Variants in SARDH observed in about 807,000 individuals in gnomAD.
The protein encoded by SARDH is sarcosine dehydrogenase, mitochondrial.
Under a neutral mutation model 109.1 loss-of-function variants are expected in SARDH, and 95 were observed. That is an observed-to-expected ratio of 0.87 (90% CI 0.74 to 1.03). The LOEUF (loss-of-function observed/expected upper bound fraction) is 1.03, where lower values mean the gene tolerates loss of function less well. Among genes scored for constraint, SARDH ranks in the 50% least tolerant of loss-of-function variants. SARDH has a pLI of 0.00. For synonymous variants in SARDH, 572 were observed against 534.8 expected (o/e 1.07, Z -0.96); for missense variants, 1,267 against 1,287.8 (o/e 0.98, Z 0.25).
At chr9:133,729,484 C>T (rs557760207) in intron 6 of SARDH, among the ~76,000 whole-genome samples, 42 of 152,324 alleles carry the variant, frequency 2.8e-4, no homozygotes, top group Non-Finnish European at 3.7e-4. Context: ...GCCTGCACCA[C>T]GCAGGACAGG....
At position 133,670,672 on chromosome 9, in the gene SARDH, A is replaced by G; in HGVS notation, c.2407T>C (p.Ser803Pro). The change falls in exon 19 of 21, where the codon TCG becomes CCG. Residue 803 changes from serine (S) to proline (P), a missense_variant. Transcript: ENST00000439388. ...AGLAFTCKLK[S>P]PVPFLGREAL... Reference sequence around the variant, plus strand: ...TCCCTCCCCAGGAAGGGCACCGGCGACTTGAGCTTGCAGGTGAAGGCCAGG... The same window carrying G: ...TCCCTCCCCAGGAAGGGCACCGGCGGCTTGAGCTTGCAGGTGAAGGCCAGG... 1 of 1,606,000 alleles carries G rather than the reference A, an allele frequency of 6.2e-7. No individual in the cohort carries two copies. Among genetic ancestry groups the G allele is most frequent in the Non-Finnish European group, 8.5e-7 (1 of 1,177,162 alleles).
chr9:133,662,334 G>T (rs1021997338), downstream of SARDH, among the ~76,000 whole-genome samples: 3 of 152,128 alleles, frequency 2.0e-5, no homozygotes, highest in Admixed American at 6.5e-5. The surrounding 1 kb of genome is among the most constrained non-coding windows in gnomAD (Gnocchi z 5.1). Context: ...AGATGAATGT[G>T]GTCACCGGCC....
rs78456941 is a variant in SARDH, at chr9:133,710,980, T to C, written c.1328+1639A>G. On this transcript the variant is annotated intron_variant, in intron 10 of 20. Coordinates refer to ENST00000439388, the MANE Select transcript of SARDH (RefSeq NM_001134707.2). The stretch of plus-strand genomic sequence containing the variant: ...GTGGGTGCTCCTCCTCCTGCTGTAC[T>C]CCAGCTCTCAGGGGCTCCCCACCTG... Among the ~76,000 whole-genome samples the C allele has an allele frequency of 7.3e-3, 1,116 of 152,324 alleles. 15 individuals are homozygous for C. The highest frequency in any genetic ancestry group is 0.026 in the African/African-American group (1,070 of 41,584).
intron 19 of SARDH, among the ~76,000 whole-genome samples, chr9:133,669,929 C>A (rs997871057): frequency 2.6e-5 from 4 of 152,220 alleles, no homozygotes; most frequent in Non-Finnish European, 5.9e-5. Context: ...CTTGGCTGCA[C>A]CTTTCTCTTT....
intron 17 of SARDH, among the ~76,000 whole-genome samples, chr9:133,682,092 C>T (rs913356077): frequency 6.6e-6 from 1 of 152,150 alleles, no homozygotes; most frequent in Non-Finnish European, 1.5e-5. Context: ...CCTGGTGGGC[C>T]CAGCTCTACC....
In SARDH at chr9:133,728,259, C is replaced by G. The variant is rs559334617; in HGVS notation, c.915+1506G>C. Among the ~76,000 whole-genome samples the G allele has an allele frequency of 6.6e-6, 1 of 152,296 alleles. No homozygotes were observed. The highest frequency in any genetic ancestry group is 1.9e-4 in the East Asian group (1 of 5,190). Reference sequence around the variant, plus strand: ...CCCAGGTTCCGGCCCCATTTCGCCACCCGCTTCACTACCCTGGTCTACGAA... The same window carrying G: ...CCCAGGTTCCGGCCCCATTTCGCCAGCCGCTTCACTACCCTGGTCTACGAA... On this transcript the variant is annotated intron_variant, in intron 6 of 20. Transcript: ENST00000439388. The surrounding 1 kb of genome is among the most constrained non-coding windows in gnomAD (Gnocchi z 5.0).
At chr9:133,714,284 C>T (rs1348878198) in intron 8 of SARDH, among the ~76,000 whole-genome samples, 1 of 152,182 alleles carries the variant, frequency 6.6e-6, no homozygotes, top group Non-Finnish European at 1.5e-5. Flanking sequence ...GGAGCCTGGG[C>T]TAAGAGCCTG....
Position 133,713,135 on chromosome 9 carries a change from G to C in SARDH, c.1151-11C>G. On this transcript the variant is annotated splice_polypyrimidine_tract_variant and intron_variant, in intron 8 of 20. Transcript: ENST00000439388. Reference sequence around the variant, plus strand: ...CGGGCGTGAAGGATTCTGAAAGAAGGAGAGAGAGGCCTGGAGTCCCTTTTG... The same window carrying C: ...CGGGCGTGAAGGATTCTGAAAGAAGCAGAGAGAGGCCTGGAGTCCCTTTTG... 1 of 1,610,958 alleles carries C rather than the reference G, an allele frequency of 6.2e-7. No homozygotes were observed. Among genetic ancestry groups the C allele is most frequent in the South Asian group, 1.1e-5 (1 of 90,672 alleles).
chr9:133,670,727 C>T lies in SARDH; in HGVS notation c.2352G>A (p.Leu784=). The T allele has an allele frequency of 6.3e-7, 1 of 1,593,550 alleles. No homozygotes were observed. Among genetic ancestry groups the T allele is most frequent in the Non-Finnish European group, 8.5e-7 (1 of 1,170,944 alleles). ...EKGYRHWHAD[L]RPDDSPLEAG... ...CCTCCAGGGGGCTGTCGTCTGGCCG[C>T]AGGTCCGCGTGCCAGTGCCGGTAGC... Residue 784 remains leucine, a synonymous_variant, in exon 19 of 21, where the codon CTG becomes CTA. Transcript: ENST00000439388.
At chr9:133,684,738 A>G (rs1455749513) in intron 17 of SARDH, among the ~76,000 whole-genome samples, 1 of 152,158 alleles carries the variant, frequency 6.6e-6, no homozygotes, top group East Asian at 1.9e-4. Context: ...CTCCCACCCC[A>G]GCAGCCCCTC....
downstream of SARDH, among the ~76,000 whole-genome samples, chr9:133,663,173 G>A (rs1027689455): frequency 3.3e-5 from 5 of 152,222 alleles, no homozygotes; most frequent in African/African-American, 1.2e-4. Flanking sequence ...GGTGAGCGAG[G>A]GGCTCAAGGG....
rs142731671 is a variant in SARDH at position 133,713,636 on chromosome 9, G to A, written c.1151-512C>T. ...GCCAACAAAGGCTCCCAACTTCTGC[G>A]GGGGAGGAGACCAATGTCCCACTCC... On this transcript the variant is annotated intron_variant, in intron 8 of 20. Transcript: ENST00000439388. Among the ~76,000 whole-genome samples, 1,343 of 152,358 alleles carry A rather than the reference G, an allele frequency of 8.8e-3. 19 individuals carry two copies. Among genetic ancestry groups the A allele is most frequent in the African/African-American group, 0.03 (1,254 of 41,590 alleles).
intron 20 of SARDH, among the ~76,000 whole-genome samples, chr9:133,665,816 C>T (rs113718676): frequency 0.018 from 2,686 of 152,318 alleles, 89 homozygotes; most frequent in African/African-American, 0.061. Flanking sequence ...CCCAAGTGCT[C>T]GCTCCCTCCC....
intron 19 of SARDH, among the ~76,000 whole-genome samples, chr9:133,670,321 T>G (rs1370468421): frequency 8.9e-6 from 1 of 112,186 alleles, no homozygotes; most frequent in Non-Finnish European, 1.7e-5. Flanking sequence ...AGAGTGAGAC[T>G]CCGTCTCAAA....
chr9:133,729,274 G>C (rs936833673), intron 6 of SARDH, among the ~76,000 whole-genome samples: 6 of 152,030 alleles, frequency 3.9e-5, no homozygotes, highest in Admixed American at 2.6e-4. Context: ...GGAGAGAAGA[G>C]AGGGCAGGAG....
intron 17 of SARDH, among the ~76,000 whole-genome samples, chr9:133,681,565 C>T (rs1399595288): frequency 6.6e-6 from 1 of 152,226 alleles, no homozygotes; most frequent in African/African-American, 2.4e-5. Context: ...CCACATCTTC[C>T]ATCCTGGGAC....
chr9:133,676,155 T>C (rs1191684626), intron 17 of SARDH, among the ~76,000 whole-genome samples: 1 of 150,286 alleles, frequency 6.7e-6, no homozygotes, highest in Non-Finnish European at 1.5e-5. Context: ...TCTATCCACA[T>C]GAAGGAATGT....
rs1341458133 is a variant in SARDH, at chr9:133,728,664, C to G, written c.915+1101G>C. 6.6e-6 allele frequency among the ~76,000 whole-genome samples: 1 copy of G among 152,214 alleles called. No individual in the cohort carries two copies. The highest frequency in any genetic ancestry group is 1.9e-4 in the East Asian group (1 of 5,200). ...CACATGTACTTGTCTGTACCTCCCCCCAGCTCTACCCAGCAAGAACTAGGT... is the reference window on the plus strand; with the variant it reads ...CACATGTACTTGTCTGTACCTCCCCGCAGCTCTACCCAGCAAGAACTAGGT... On this transcript the variant is annotated intron_variant, in intron 6 of 20. Transcript: ENST00000439388. The surrounding 1 kb of genome is among the most constrained non-coding windows in gnomAD (Gnocchi z 5.0).
intron 13 of SARDH, among the ~76,000 whole-genome samples, chr9:133,700,507 C>T (rs1031840270): frequency 1.3e-5 from 2 of 152,126 alleles, no homozygotes; most frequent in Middle Eastern, 6.8e-3. Context: ...GATATATCTA[C>T]AGAGAGAGAA....
Sources: gnomAD v4.1 joint callset for allele counts (sites outside exome capture counted in the v4.1 genomes callset) on GRCh38, gnomAD v4.1.1 for gene constraint, Gnocchi (gnomAD v3.1) non-coding constraint, MANE v1.5 for transcripts, NCBI Gene and HGNC (gene_info 2026-07-23, HGNC 2026-07-21) for gene names.